The following LOC122539214 variants were observed in gnomAD, a reference collection of about 807,000 sequenced individuals.
At chr19:52,683,901 C>T in the LOC122539214 span, among the ~76,000 whole-genome samples, 1 of 152,064 alleles carries the variant, frequency 6.6e-6, no homozygotes, top group South Asian at 2.1e-4. Flanking sequence ...GTGCATCCTT[C>T]AAGTAAGGGA....
chr19:52,687,944 A>G, the LOC122539214 span, among the ~76,000 whole-genome samples: 314 of 152,088 alleles, frequency 2.1e-3, 1 homozygote, highest in African/African-American at 7.2e-3. Context: ...CTTCCAACTC[A>G]ATAAGTCACT....
At chr19:52,671,604 G>A in the LOC122539214 span, among the ~76,000 whole-genome samples, 382 of 152,166 alleles carry the variant, frequency 2.5e-3, no homozygotes, top group Non-Finnish European at 4.0e-3. Context: ...CACCAAGCCT[G>A]GCTAATTTGT....
At chr19:52,666,265 G>T in the LOC122539214 span, among the ~76,000 whole-genome samples, 2 of 151,670 alleles carry the variant, frequency 1.3e-5, no homozygotes, top group Non-Finnish European at 2.9e-5. Flanking sequence ...GAGACAGAGA[G>T]TCAGAAAAGA....
chr19:52,658,036 T>C, the LOC122539214 span, among the ~76,000 whole-genome samples: 1 of 149,294 alleles, frequency 6.7e-6, no homozygotes, highest in Admixed American at 6.7e-5. Context: ...TTCAAAAGGC[T>C]AAGGCAGGAG....
At chr19:52,666,876 T>A in the LOC122539214 span, among the ~76,000 whole-genome samples, 1 of 152,192 alleles carries the variant, frequency 6.6e-6, no homozygotes, top group Admixed American at 6.5e-5. Context: ...ACATAATGGG[T>A]ATTCAATAAG....
At chr19:52,661,990 A>C in the LOC122539214 span, among the ~76,000 whole-genome samples, 4 of 152,196 alleles carry the variant, frequency 2.6e-5, no homozygotes, top group Admixed American at 6.5e-5. Flanking sequence ...AAGGAAAGAA[A>C]CCTGCGTGGC....
the LOC122539214 span, among the ~76,000 whole-genome samples, chr19:52,658,610 G>A: frequency 6.6e-6 from 1 of 152,184 alleles, no homozygotes; most frequent in Non-Finnish European, 1.5e-5. Context: ...GAAAGTTATA[G>A]GGAATAGTCA....
At chr19:52,662,525 G>A in the LOC122539214 span, among the ~76,000 whole-genome samples, 2 of 152,138 alleles carry the variant, frequency 1.3e-5, no homozygotes, top group African/African-American at 4.8e-5. Context: ...AAGATGATCT[G>A]AGTCTAATTA....
chr19:52,681,280 C>CAAAAAAAAAAAAAAAA, the LOC122539214 span, among the ~76,000 whole-genome samples: 22 of 75,422 alleles, frequency 2.9e-4, no homozygotes, highest in South Asian at 6.4e-4. Flanking sequence ...GAGACTTTCT[C>CAAAAAAAAAAAAAAAA]AAAAAAAAAA....
At chr19:52,652,924 T>C in the LOC122539214 span, 16 of 1,167,298 alleles carry the variant, frequency 1.4e-5, no homozygotes, top group African/African-American at 2.0e-4. Flanking sequence ...AAGTCTATAA[T>C]GGTATACAAA....
chr19:52,682,644 G>A, the LOC122539214 span, among the ~76,000 whole-genome samples: 1 of 151,954 alleles, frequency 6.6e-6, no homozygotes, highest in Admixed American at 6.6e-5. Context: ...CTCCAGCCTA[G>A]GCAACAAAGC....
the LOC122539214 span, among the ~76,000 whole-genome samples, chr19:52,678,847 T>C: frequency 6.6e-6 from 1 of 151,620 alleles, no homozygotes; most frequent in African/African-American, 2.4e-5. Flanking sequence ...TGGTGGTACA[T>C]GCCTGTAATC....
chr19:52,661,539 T>A, the LOC122539214 span, among the ~76,000 whole-genome samples: 1 of 152,174 alleles, frequency 6.6e-6, no homozygotes, highest in Non-Finnish European at 1.5e-5. Context: ...GCCATCGTAT[T>A]ATTGAGGGTG....
At chr19:52,654,302 T>C in the LOC122539214 span, 31 of 1,512,192 alleles carry the variant, frequency 2.1e-5, no homozygotes, top group South Asian at 3.3e-4. Context: ...AAATCTCCAA[T>C]GTGATGACTT....
At chr19:52,687,388 T>TA in the LOC122539214 span, among the ~76,000 whole-genome samples, 317 of 60,592 alleles carry the variant, frequency 5.2e-3, 126 homozygotes, top group African/African-American at 0.053. Context: ...AATTTATATA[T>TA]ATATAATTTA....
the LOC122539214 span, among the ~76,000 whole-genome samples, chr19:52,670,425 C>T: frequency 6.6e-5 from 10 of 152,256 alleles, 1 homozygote; most frequent in South Asian, 2.1e-4. Context: ...TGTTCAGGTA[C>T]GCACTCACCA....
chr19:52,690,114 C>T, the LOC122539214 span, among the ~76,000 whole-genome samples: 1 of 147,250 alleles, frequency 6.8e-6, no homozygotes, highest in Non-Finnish European at 1.5e-5. Flanking sequence ...GTGCCCACGG[C>T]GGGAATCCAC....
chr19:52,681,153 C>T, the LOC122539214 span, among the ~76,000 whole-genome samples: 2 of 151,514 alleles, frequency 1.3e-5, no homozygotes, highest in South Asian at 2.1e-4. Context: ...GGCATGGTGG[C>T]AGGCACCTGT....
At chr19:52,684,128 G>T in the LOC122539214 span, among the ~76,000 whole-genome samples, 1 of 152,076 alleles carries the variant, frequency 6.6e-6, no homozygotes, top group Non-Finnish European at 1.5e-5. Context: ...TAGCACTCTG[G>T]GAGGCCGAGG....
Sources: allele counts gnomAD v4.1 joint callset (sites outside exome capture counted in the v4.1 genomes callset), GRCh38; gene constraint gnomAD v4.1.1; transcripts MANE v1.5.